RIF1: variants seen among roughly 807,000 people sequenced by gnomAD.
The protein encoded by RIF1 is telomere-associated protein RIF1.
In RIF1, 45 loss-of-function variants were observed where a neutral mutation model predicts 247.1. That is an observed-to-expected ratio of 0.18 (90% CI 0.14 to 0.23). The LOEUF (loss-of-function observed/expected upper bound fraction) is 0.23, where lower values mean the gene tolerates loss of function less well. RIF1 is among the 10% of genes least tolerant of loss of function. The pLI is 1.00. For synonymous variants in RIF1, 1,087 were observed against 978.8 expected (o/e 1.11, Z -2.06); for missense variants, 2,967 against 2,862.5 (o/e 1.04, Z -0.83).
At chr2:151,426,564 G>A (rs973077641) in intron 8 of RIF1, among the ~76,000 whole-genome samples, 3 of 152,064 alleles carry the variant, frequency 2.0e-5, no homozygotes, top group African/African-American at 7.2e-5. Flanking sequence ...GGTAGGGATT[G>A]TGATGAATCT....
chr2:151,442,419 A>G (rs1409491874), intron 16 of RIF1, among the ~76,000 whole-genome samples: 1 of 150,610 alleles, frequency 6.6e-6, no homozygotes. Flanking sequence ...AGATGACCTT[A>G]TGTAAAATTC....
intron 10 of RIF1, among the ~76,000 whole-genome samples, chr2:151,434,049 G>C (rs145666551): frequency 2.6e-5 from 4 of 151,742 alleles, no homozygotes; most frequent in Non-Finnish European, 4.4e-5. Flanking sequence ...GCATGTGCCT[G>C]TAGTCTCAGC....
In RIF1 at chr2:151,481,425, A is replaced by C. The variant is rs148832856; in HGVS notation, c.*6354A>C. 6.6e-6 allele frequency: 1 copy of C among 152,292 alleles called. No individual in the cohort carries two copies. The highest frequency in any genetic ancestry group is 1.9e-4 in the East Asian group (1 of 5,180). The allele number at this position is 152,292 out of a possible 1,614,324, so 9.4% of individuals were successfully genotyped here. A position where few individuals can be genotyped will look rare whatever the true frequency, so the allele number is the denominator to read the frequency against. ...TACGTATTTGCCATGATGTTAAGGG[A>C]CCTTGATGGTCTGTGAATTATCAGT... On this transcript the variant is annotated 3_prime_UTR_variant, in exon 36 of 36. Transcript: ENST00000444746.
At chr2:151,512,444 G>A (rs13409931), downstream of RIF1, among the ~76,000 whole-genome samples, 1 of 151,998 alleles carries the variant, frequency 6.6e-6, no homozygotes, top group African/African-American at 2.4e-5. Flanking sequence ...TCCCACCTCA[G>A]CCTTCCTAGA....
At chr2:151,458,540 T>A (rs531511541) in intron 24 of RIF1, among the ~76,000 whole-genome samples, 1 of 152,202 alleles carries the variant, frequency 6.6e-6, no homozygotes, top group South Asian at 2.1e-4. Context: ...CCTGGATAAT[T>A]ATTAAAGCTA....
At position 151,420,214 on chromosome 2, in the gene RIF1, A is replaced by G; in HGVS notation, c.528A>G (p.Gln176=). The part of the protein sequence containing the change: ...IVRLIEQAPI[Q]MGEEAVRWAK... ...GGCTAATTGAACAAGCCCCAATTCA[A>G]ATGGGAGAAGAGGCAGTGAGGTGGG... The change falls in exon 7 of 36, where the codon CAA becomes CAG. Residue 176 remains glutamine (Q), a synonymous_variant. Transcript: ENST00000444746. 4.3e-6 allele frequency: 7 copies of G among 1,613,854 alleles called. No homozygotes were observed. Among genetic ancestry groups the G allele is most frequent in the Non-Finnish European group, 5.9e-6 (7 of 1,179,808 alleles).
At chr2:151,534,174 C>A in the RIF1 span, 1 of 1,434,318 alleles carries the variant, frequency 7.0e-7, no homozygotes, top group Non-Finnish European at 9.8e-7. Context: ...AAACTGGGAG[C>A]ACAGTCCTGC....
intron 4 of RIF1, 84 bp downstream of exon 4, chr2:151,415,003 C>T (rs1209255116): frequency 4.9e-6 from 4 of 810,786 alleles, no homozygotes; most frequent in Non-Finnish European, 7.9e-6. Context: ...GTTAAAAGTA[C>T]TGTTATGTCT....
chr2:151,494,053 T>C, intron 9 of RIF1: 1 of 1,010,712 alleles, frequency 9.9e-7, no homozygotes, highest in Non-Finnish European at 1.5e-6. Context: ...CAGATGCAAA[T>C]GTAACTGGCA....
chr2:151,453,153 C>G (rs551814265), intron 21 of RIF1, among the ~76,000 whole-genome samples: 1 of 152,124 alleles, frequency 6.6e-6, no homozygotes, highest in Non-Finnish European at 1.5e-5. Context: ...TTGCATTTAT[C>G]TTATCTGCTC....
At chr2:151,528,386 CCCT>C in the RIF1 span, among the ~76,000 whole-genome samples, 1 of 152,054 alleles carries the variant, frequency 6.6e-6, no homozygotes, top group East Asian at 1.9e-4. Context: ...GGTTTTTTTC[CCCT>C]CATTTTATTT....
At chr2:151,528,845 A>C in the RIF1 span, among the ~76,000 whole-genome samples, 895 of 152,322 alleles carry the variant, frequency 5.9e-3, 7 homozygotes, top group Admixed American at 9.2e-3. Context: ...GAAGAAGCAG[A>C]TTGTAGAGTT....
At chr2:151,468,335 G>A in intron 31 of RIF1, 139 bp from the exon 32 acceptor site, 1 of 825,308 alleles carries the variant, frequency 1.2e-6, no homozygotes, top group South Asian at 1.7e-5. Context: ...GATCCAGCAA[G>A]TAATTGATTA....
intron 34 of RIF1, among the ~76,000 whole-genome samples, chr2:151,471,248 C>CT (rs1286165890): frequency 2.0e-5 from 3 of 152,226 alleles, no homozygotes; most frequent in African/African-American, 7.2e-5. Flanking sequence ...TTGAATAATT[C>CT]TTTGTAGATT....
At chr2:151,514,495 G>T in the RIF1 span, 1 of 1,275,866 alleles carries the variant, frequency 7.8e-7, no homozygotes, top group Middle Eastern at 1.9e-4. Context: ...AGGCAAAGAA[G>T]AAAATAAAAA....
downstream of RIF1, among the ~76,000 whole-genome samples, chr2:151,509,285 A>G (rs1229565160): frequency 1.3e-5 from 2 of 151,970 alleles, no homozygotes; most frequent in African/African-American, 4.8e-5. Flanking sequence ...TTTGTTCATG[A>G]AAAAGTCACC....
At chr2:151,473,607 A>C (rs2048747308) in intron 34 of RIF1, among the ~76,000 whole-genome samples, 1 of 152,064 alleles carries the variant, frequency 6.6e-6, no homozygotes, top group African/African-American at 2.4e-5. Context: ...TTTTTAAAAA[A>C]ATTCTATATT....
chr2:151,452,482 A>T (rs1251037418), intron 21 of RIF1, among the ~76,000 whole-genome samples: 2 of 152,208 alleles, frequency 1.3e-5, no homozygotes, highest in Non-Finnish European at 2.9e-5. Context: ...GCCATTGATG[A>T]GTTTTCTAAA....
intron 20 of RIF1, among the ~76,000 whole-genome samples, chr2:151,449,951 C>T (rs1693997124): frequency 1.3e-5 from 2 of 151,170 alleles, no homozygotes; most frequent in East Asian, 1.9e-4. Flanking sequence ...AAGTGATTCT[C>T]CTGCCTTAGC....
Sources: allele counts gnomAD v4.1 joint callset (sites outside exome capture counted in the v4.1 genomes callset), GRCh38; gene constraint gnomAD v4.1.1; transcripts MANE v1.5; gene names NCBI Gene and HGNC (gene_info 2026-07-23, HGNC 2026-07-21).